SDS: variants seen among roughly 807,000 people sequenced by gnomAD.
SDS encodes the protein L-serine dehydratase/L-threonine deaminase.
In SDS, 19 loss-of-function variants were observed where a neutral mutation model predicts 29.3. The ratio of observed to expected loss-of-function variants is 0.65; its 90% CI spans 0.45 to 0.95. SDS has a LOEUF of 0.95. SDS is among the 40% of genes least tolerant of loss of function. SDS has a pLI of 0.00. For missense variants in SDS, 375 were observed against 439.9 expected, an observed-to-expected ratio of 0.85 and a Z score of 1.32; for synonymous variants, 176 against 189.0, an observed-to-expected ratio of 0.93 and a Z score of 0.56.
intron 1 of SDS, among the ~76,000 whole-genome samples, chr12:113,400,911 T>C (rs1218448207): frequency 1.3e-5 from 2 of 152,130 alleles, no homozygotes; most frequent in Non-Finnish European, 2.9e-5. Context: ...CCCAGCACTT[T>C]GGGAGGCCGA....
chr12:113,393,533 G>C (rs190841878), intron 7 of SDS, among the ~76,000 whole-genome samples: 33 of 152,238 alleles, frequency 2.2e-4, no homozygotes, highest in African/African-American at 7.2e-4. Flanking sequence ...CCCAGAAAGA[G>C]TCCAGCCTAG....
chr12:113,403,472 C>G (rs1250642719), intron 1 of SDS, among the ~76,000 whole-genome samples: 1 of 151,850 alleles, frequency 6.6e-6, no homozygotes, highest in East Asian at 2.0e-4. Flanking sequence ...TGCAGTGAGC[C>G]CAGATTGTGC....
intron 4 of SDS, 41 bp from the exon 5 acceptor site, chr12:113,398,647 G>A: frequency 6.2e-7 from 1 of 1,605,028 alleles, no homozygotes; most frequent in Non-Finnish European, 8.5e-7. Flanking sequence ...TGAGGCACAG[G>A]GGGCACCCTG....
In SDS at chr12:113,398,483, A is replaced by AT. The variant is rs778912510; in HGVS notation, c.425+31_425+32insA. The AT allele has an allele frequency of 2.2e-5, 32 of 1,433,686 alleles. No homozygotes were observed. The African/African-American group carries it at 4.4e-4, about 20-fold the overall frequency. 88.8% of individuals were successfully genotyped at this position (1,433,686 alleles called of 1,614,324 possible). A position where few individuals can be genotyped will look rare whatever the true frequency, so the allele number is the denominator to read the frequency against. ...CCAGTGATATAGGGCAGTGGCTGCC[A>AT]CCCCCACCAAGTGACCTTGAACTCC... On this transcript the variant is annotated intron_variant, in intron 5 of 7. Transcript: ENST00000257549.
chr12:113,400,232 G>C (rs182817164), intron 1 of SDS, among the ~76,000 whole-genome samples: 341 of 152,264 alleles, frequency 2.2e-3, no homozygotes, highest in Non-Finnish European at 3.9e-3. Flanking sequence ...GGCGGAGGTT[G>C]CAGTGAGCGA....
chr12:113,398,826 C>T lies in SDS; in HGVS notation c.214G>A (p.Ala72Thr), dbSNP rs1375136935. Residue 72 changes from alanine to threonine, a missense_variant, in exon 4 of 8, where the codon GCT (alanine) becomes ACT (threonine). By Grantham distance (58) the Ala-to-Thr change is moderately conservative. Coordinates refer to ENST00000257549, the MANE Select transcript of SDS (RefSeq NM_006843.3). ...CSSAGNAGMA[A>T]AYAARQLGVP... ...CCGAGTTGCCTGGCCGCATATGCAGCCGCCATGCCTGCGTTGCCCGCTGCC... is the reference window on the plus strand; with the variant it reads ...CCGAGTTGCCTGGCCGCATATGCAGTCGCCATGCCTGCGTTGCCCGCTGCC... The T allele has an allele frequency of 6.2e-7, 1 of 1,608,920 alleles. No individual in the cohort carries two copies. The highest frequency in any genetic ancestry group is 8.5e-7 in the Non-Finnish European group (1 of 1,177,838).
At position 113,394,010 on chromosome 12, in the gene SDS, G is replaced by T. The variant is rs750036739; in HGVS notation, c.660C>A (p.Ala220=). 1.2e-6 allele frequency: 2 copies of T among 1,614,104 alleles called. No individual in the cohort carries two copies. The highest frequency in any genetic ancestry group is 1.7e-5 in the Admixed American group (1 of 60,014). ...CCACAGTCTTCACGCCCAGGGCCTT[G>T]GCAACACTGAGAGAAGTGGGAACCC... is the stretch of plus-strand genomic sequence containing the variant. The part of the protein sequence containing the change: ...LVSLPKITSV[A]KALGVKTVGA... The change falls in exon 7 of 8, where the codon GCC becomes GCA. Residue 220 remains alanine (A), a synonymous_variant. Coordinates refer to ENST00000257549, the MANE Select transcript of SDS (RefSeq NM_006843.3).
At chr12:113,403,006 G>A (rs919728396) in intron 1 of SDS, among the ~76,000 whole-genome samples, 2 of 152,182 alleles carry the variant, frequency 1.3e-5, no homozygotes, top group Non-Finnish European at 2.9e-5. Flanking sequence ...CACCTTAAGT[G>A]CAGGTCATCC....
In SDS at chr12:113,398,704, C is replaced by A; in HGVS notation, c.333+3G>T. On this transcript the variant is annotated splice_donor_region_variant and intron_variant, in intron 4 of 7. Coordinates refer to ENST00000257549, the MANE Select transcript of SDS (RefSeq NM_006843.3). ...CTCTTCCTTGCCCTGGGTCGGCACTCACCTCACCCACCACCTTGACTGTGG... is the reference window on the plus strand; with the variant it reads ...CTCTTCCTTGCCCTGGGTCGGCACTAACCTCACCCACCACCTTGACTGTGG... The A allele has an allele frequency of 6.2e-7, 1 of 1,613,932 alleles. No homozygotes were observed. The highest frequency in any genetic ancestry group is 1.1e-5 in the South Asian group (1 of 91,048).
At position 113,398,604 on chromosome 12, in the gene SDS, T is replaced by C. The variant is rs141553461; in HGVS notation, c.336A>G (p.Leu112=). ...EGATVKVVGE[L]LDEAFELAKA... ...TGGCCAGCTCGAAGGCTTCATCCAA[T>C]AACTGCAAAGCCACAGGGGAGATAG... is the stretch of plus-strand genomic sequence containing the variant. The change falls in exon 5 of 8, where the codon TTA becomes TTG. Residue 112 remains leucine (L), a splice_region_variant and synonymous_variant. Coordinates refer to ENST00000257549, the MANE Select transcript of SDS (RefSeq NM_006843.3). 1,080 of 1,595,008 alleles carry C rather than the reference T, an allele frequency of 6.8e-4. No homozygotes were observed. Among genetic ancestry groups the C allele is most frequent in the Non-Finnish European group, 8.2e-4 (964 of 1,168,798 alleles).
At chr12:113,394,434 G>T (rs1957633193) in intron 6 of SDS, among the ~76,000 whole-genome samples, 1 of 151,146 alleles carries the variant, frequency 6.6e-6, no homozygotes, top group African/African-American at 2.4e-5. Context: ...CTGCCTCCCG[G>T]GTTCAAGCAA....
chr12:113,402,142 G>A (rs1343630696), intron 1 of SDS, among the ~76,000 whole-genome samples: 6 of 152,128 alleles, frequency 3.9e-5, no homozygotes, highest in Admixed American at 3.3e-4. Context: ...ACTGACATTC[G>A]GGGCCTGGGA....
At chr12:113,399,474 AT>A in intron 2 of SDS, 81 bp downstream of exon 2, 1 of 1,415,498 alleles carries the variant, frequency 7.1e-7, no homozygotes. Context: ...AACGCCTTTA[AT>A]TTCACACAGC....
chr12:113,392,856 A>C lies in SDS; in HGVS notation c.*85T>G. On this transcript the variant is annotated 3_prime_UTR_variant, in exon 8 of 8. Transcript: ENST00000257549. Reference sequence around the variant, plus strand: ...ACCCAGGCCACAGGTGCTCAGCCAAACATACGACGAGGCGCTGGATAAAAC... The same window carrying C: ...ACCCAGGCCACAGGTGCTCAGCCAACCATACGACGAGGCGCTGGATAAAAC... The C allele has an allele frequency of 7.6e-7, 1 of 1,317,132 alleles. No individual in the cohort carries two copies. 81.6% of individuals were successfully genotyped at this position (1,317,132 alleles called of 1,614,324 possible).
At chr12:113,396,304 A>ACCTT (rs199726387) in intron 6 of SDS, among the ~76,000 whole-genome samples, 54 of 150,736 alleles carry the variant, frequency 3.6e-4, no homozygotes, top group Non-Finnish European at 5.8e-4. Context: ...TTCCTATGAG[A>ACCTT]CCTTCCTTCC....
Position 113,398,565 on chromosome 12 carries a change from C to G in SDS, c.375G>C (p.Lys125Asn). The change falls in exon 5 of 8, where the codon AAG becomes AAC. Residue 125 changes from lysine (K) to asparagine (N), a missense_variant. By Grantham distance (94) the Lys-to-Asn change is moderately conservative. Transcript: ENST00000257549. ...EAFELAKALA[K>N]NNPGWVYIPP... ...GAATGTAGACCCAACCCGGGTTGTT[C>G]TTCGCTAGGGCCTTGGCCAGCTCGA... 6.3e-7 allele frequency: 1 copy of G among 1,594,766 alleles called. No homozygotes were observed. Among genetic ancestry groups the G allele is most frequent in the Non-Finnish European group, 8.5e-7 (1 of 1,170,170 alleles).
chr12:113,399,852 G>T, intron 1 of SDS, 142 bp from the exon 2 acceptor site: 1 of 761,692 alleles, frequency 1.3e-6, no homozygotes, highest in Non-Finnish European at 2.0e-6. Context: ...GGCTCTAATC[G>T]CAAGTGGGCC....
rs1957680064 is a variant in SDS, at chr12:113,400,745, G to A, written c.-2-1035C>T. On this transcript the variant is annotated intron_variant, in intron 1 of 7. Coordinates refer to ENST00000257549, the MANE Select transcript of SDS (RefSeq NM_006843.3). Reference sequence around the variant, plus strand: ...GCATTTCAGGAAACATGCATGACAGGCTGGCCAGGGTGGGGCCTCTGAGGA... The same window carrying A: ...GCATTTCAGGAAACATGCATGACAGACTGGCCAGGGTGGGGCCTCTGAGGA... Among the ~76,000 whole-genome samples, 3 of 151,968 alleles carry A rather than the reference G, an allele frequency of 2.0e-5. No individual in the cohort carries two copies. In the South Asian group the frequency reaches 6.2e-4, roughly 32 times the overall value.
rs141168978 is a variant in SDS, at chr12:113,398,845, C to T, written c.195G>A (p.Ala65=). 2.2e-4 allele frequency: 360 copies of T among 1,602,078 alleles called. No individual in the cohort carries two copies. In the African/African-American group the frequency reaches 3.1e-3, roughly 14 times the overall value. ...ATGCAGCCGCCATGCCTGCGTTGCCCGCTGCCAGGGTCGGGGGTGGAGAGC... is the reference window on the plus strand; with the variant it reads ...ATGCAGCCGCCATGCCTGCGTTGCCTGCTGCCAGGGTCGGGGGTGGAGAGC... ...QGCAHFVCSS[A]GNAGMAAAYA... The change falls in exon 4 of 8, where the codon GCG becomes GCA. Residue 65 remains alanine, a splice_region_variant and synonymous_variant. Transcript: ENST00000257549.
Sources: allele counts gnomAD v4.1 joint callset (sites outside exome capture counted in the v4.1 genomes callset), GRCh38; gene constraint gnomAD v4.1.1; transcripts MANE v1.5; gene names NCBI Gene and HGNC (gene_info 2026-07-23, HGNC 2026-07-21).